The following MICAL2 variants were observed in gnomAD, a reference collection of about 807,000 sequenced individuals.
MICAL2 encodes microtubule associated monooxygenase, calponin and LIM domain containing 2.
A neutral mutation model predicts 127.3 loss-of-function variants in MICAL2; 77 were observed. The observed-to-expected ratio is 0.60, with a 90% confidence interval of 0.50 to 0.73. The LOEUF (loss-of-function observed/expected upper bound fraction) is 0.73, where lower values mean the gene tolerates loss of function less well. Among genes scored for constraint, MICAL2 ranks in the 30% least tolerant of loss-of-function variants. The pLI is 0.00. For missense variants in MICAL2, 1,351 were observed against 1,434.4 expected, an observed-to-expected ratio of 0.94 and a Z score of 0.94; for synonymous variants, 570 against 551.1, an observed-to-expected ratio of 1.03 and a Z score of -0.48.
intron 8 of MICAL2, among the ~76,000 whole-genome samples, chr11:12,218,973 A>G (rs1856502314): frequency 6.6e-6 from 1 of 152,224 alleles, no homozygotes; most frequent in South Asian, 2.1e-4. Context: ...ACATGGGGCT[A>G]GGGATTTCGT....
At chr11:12,114,581 T>C (rs1344165434) in intron 1 of MICAL2, among the ~76,000 whole-genome samples, 4 of 152,214 alleles carry the variant, frequency 2.6e-5, no homozygotes, top group African/African-American at 7.2e-5. Context: ...TTGGCTGTGC[T>C]GGATCCTCAG....
chr11:12,319,359 A>T, intron 29 of MICAL2, among the ~76,000 whole-genome samples: 1 of 152,142 alleles, frequency 6.6e-6, no homozygotes, highest in Non-Finnish European at 1.5e-5. Context: ...TTAATAATAG[A>T]TTTTATCTCT....
chr11:12,325,436 CTG>C (rs768562212), intron 31 of MICAL2, among the ~76,000 whole-genome samples: 2 of 152,168 alleles, frequency 1.3e-5, no homozygotes, highest in Non-Finnish European at 2.9e-5. Flanking sequence ...AAGAATGACA[CTG>C]TATTCGTCTG....
chr11:12,248,272 T>A (rs766805520), intron 21 of MICAL2, among the ~76,000 whole-genome samples: 2 of 152,186 alleles, frequency 1.3e-5, no homozygotes, highest in Non-Finnish European at 2.9e-5. Context: ...GGGGCTCAGA[T>A]CCTTGGCAGA....
downstream of MICAL2, among the ~76,000 whole-genome samples, chr11:12,265,265 TTTTG>T (rs1481464632): frequency 6.6e-6 from 1 of 152,234 alleles, no homozygotes; most frequent in Non-Finnish European, 1.5e-5. Flanking sequence ...TATGTGAACA[TTTTG>T]TTTTTGTTTT....
At chr11:12,277,443 A>G (rs1125744) in intron 1 of MICAL2, among the ~76,000 whole-genome samples, 70,072 of 151,996 alleles carry the variant, frequency 0.46, 18,036 homozygotes, top group East Asian at 0.78. Context: ...TAAAGGGAAT[A>G]ATTGCAACCA....
intron 1 of MICAL2, among the ~76,000 whole-genome samples, chr11:12,111,102 T>A (rs1293969458): frequency 1.3e-5 from 2 of 152,132 alleles, no homozygotes; most frequent in African/African-American, 4.8e-5. Flanking sequence ...CAGAAGACCA[T>A]CCCCAAACTT....
At chr11:12,273,588 A>G (rs1863695296), upstream of MICAL2, among the ~76,000 whole-genome samples, 1 of 148,652 alleles carries the variant, frequency 6.7e-6, no homozygotes. Flanking sequence ...AAGATGAGGT[A>G]TTTCACATAA....
intron 1 of MICAL2, among the ~76,000 whole-genome samples, chr11:12,122,697 C>T (rs990628099): frequency 9.9e-5 from 15 of 152,216 alleles, no homozygotes; most frequent in African/African-American, 2.9e-4. Context: ...GAGTGAGCCA[C>T]CGCGCCTGGC....
intron 3 of MICAL2, among the ~76,000 whole-genome samples, chr11:12,164,613 T>G (rs1051193916): frequency 2.0e-5 from 3 of 152,192 alleles, no homozygotes; most frequent in South Asian, 4.1e-4. Context: ...GTTCGAAGCC[T>G]CTCATTCACA....
intron 8 of MICAL2, among the ~76,000 whole-genome samples, chr11:12,219,366 G>T (rs893754151): frequency 6.6e-6 from 1 of 151,846 alleles, no homozygotes; most frequent in African/African-American, 2.4e-5. Flanking sequence ...GCAGCTCAGG[G>T]CTCTGCACTC....
intron 32 of MICAL2, among the ~76,000 whole-genome samples, chr11:12,345,354 A>G (rs896153715): frequency 6.6e-6 from 1 of 152,224 alleles, no homozygotes; most frequent in Admixed American, 6.5e-5. Context: ...TAGACAAGAT[A>G]TAGCAATGTG....
chr11:12,214,792 C>T (rs1030875257), intron 7 of MICAL2, among the ~76,000 whole-genome samples: 2 of 152,078 alleles, frequency 1.3e-5, no homozygotes, highest in Admixed American at 1.3e-4. Flanking sequence ...CCATAGGGCC[C>T]ACAGGCCAGA....
chr11:12,226,479 T>C (rs1857464846), intron 14 of MICAL2, 109 bp downstream of exon 14: 1 of 1,153,608 alleles, frequency 8.7e-7, no homozygotes, highest in South Asian at 1.5e-5. Context: ...CTGCCCAGTG[T>C]GTTCCCCTTG....
intron 16 of MICAL2, among the ~76,000 whole-genome samples, chr11:12,237,191 G>A (rs1019715316): frequency 1.3e-5 from 2 of 152,184 alleles, no homozygotes; most frequent in South Asian, 4.1e-4. Context: ...TGGTCAAAGG[G>A]AAGCGCTGAC....
chr11:12,164,709 C>T (rs539080016), intron 3 of MICAL2, among the ~76,000 whole-genome samples: 158 of 152,226 alleles, frequency 1.0e-3, no homozygotes, highest in African/African-American at 3.3e-3. Flanking sequence ...TCTAATTGGC[C>T]CACTTCTGGA....
At chr11:12,321,206 C>T (rs911311638) in intron 30 of MICAL2, among the ~76,000 whole-genome samples, 6 of 152,110 alleles carry the variant, frequency 3.9e-5, no homozygotes, top group Admixed American at 6.5e-5. Context: ...AAAGCATGCC[C>T]GCTTCACCTG....
chr11:12,234,182 C>T (rs1330604858), intron 15 of MICAL2, among the ~76,000 whole-genome samples: 1 of 152,090 alleles, frequency 6.6e-6, no homozygotes, highest in African/African-American at 2.4e-5. Context: ...GCTAATATGG[C>T]TGTCTTCAAT....
chr11:12,217,451 G>A lies in MICAL2; in HGVS notation c.948+1132G>A, dbSNP rs577416657. On this transcript the variant is annotated intron_variant, in intron 8 of 27. Transcript: ENST00000683283. The stretch of plus-strand genomic sequence containing the variant: ...GCTGAGCACGCCAGCAGATGGGTGG[G>A]CGATGGGCTTCAGCAGTGTCCCACT... Among the ~76,000 whole-genome samples the A allele has an allele frequency of 3.3e-3, 499 of 152,288 alleles. 8 individuals carry two copies. Among genetic ancestry groups the A allele is most frequent in the Non-Finnish European group, 3.5e-3 (239 of 68,012 alleles).
Sources: allele counts gnomAD v4.1 joint callset (sites outside exome capture counted in the v4.1 genomes callset), GRCh38; gene constraint gnomAD v4.1.1; transcripts MANE v1.5; gene names NCBI Gene and HGNC (gene_info 2026-07-23, HGNC 2026-07-21).